The following INPP4B variants were observed in gnomAD, a reference collection of about 807,000 sequenced individuals.
INPP4B encodes inositol polyphosphate-4-phosphatase type II B.
INPP4B carries 55 observed loss-of-function variants against 122.5 expected under a neutral mutation model. The ratio of observed to expected loss-of-function variants is 0.45; its 90% CI spans 0.36 to 0.56. The LOEUF is 0.56. Among genes scored for constraint, INPP4B ranks in the 20% least tolerant of loss-of-function variants. The pLI, the probability that INPP4B is intolerant of heterozygous loss-of-function variation, is 0.00. For missense variants in INPP4B, 1,000 were observed against 1,097.7 expected, an observed-to-expected ratio of 0.91 and a Z score of 1.26; for synonymous variants, 403 against 388.7, an observed-to-expected ratio of 1.04 and a Z score of -0.43.
intron 2 of INPP4B, among the ~76,000 whole-genome samples, chr4:142,607,457 C>T (rs558993268): frequency 3.3e-5 from 5 of 152,114 alleles, no homozygotes; most frequent in African/African-American, 1.2e-4. Context: ...TTACATGTTG[C>T]TTAAGTGCTC....
intron 11 of INPP4B, among the ~76,000 whole-genome samples, chr4:142,239,103 A>G (rs935617643): frequency 6.6e-6 from 1 of 152,164 alleles, no homozygotes. Flanking sequence ...TAAGAACAAC[A>G]TATTTCATTC....
intron 7 of INPP4B, chr4:142,317,156 CAG>C (rs1768020087): frequency 6.3e-6 from 1 of 157,788 alleles, no homozygotes; most frequent in South Asian, 1.8e-4. Context: ...ATAAAACAAG[CAG>C]AGTTTTATGT....
At chr4:142,768,149 C>G (rs1772444108) in intron 1 of INPP4B, among the ~76,000 whole-genome samples, 1 of 152,140 alleles carries the variant, frequency 6.6e-6, no homozygotes, top group Admixed American at 6.5e-5. Context: ...TAGAACGAAC[C>G]TGGCATATAG....
chr4:142,669,906 C>T (rs1039311261), intron 2 of INPP4B, among the ~76,000 whole-genome samples: 1 of 152,036 alleles, frequency 6.6e-6, no homozygotes, highest in Non-Finnish European at 1.5e-5. Flanking sequence ...ATTAGTACAG[C>T]CTTTACTGGG....
At chr4:142,108,869 A>AG (rs1290533030) in intron 22 of INPP4B, among the ~76,000 whole-genome samples, 1 of 152,120 alleles carries the variant, frequency 6.6e-6, no homozygotes, top group African/African-American at 2.4e-5. Flanking sequence ...TCCCTATAAA[A>AG]GGATGCTATG....
At chr4:142,259,439 G>T (rs975203648) in intron 11 of INPP4B, among the ~76,000 whole-genome samples, 1 of 151,468 alleles carries the variant, frequency 6.6e-6, no homozygotes, top group Non-Finnish European at 1.5e-5. Flanking sequence ...AGAAGGGCGC[G>T]TGGGTAAGTG....
chr4:142,304,503 A>G (rs1762637076), intron 9 of INPP4B, among the ~76,000 whole-genome samples: 1 of 152,140 alleles, frequency 6.6e-6, no homozygotes, highest in Non-Finnish European at 1.5e-5. Context: ...AGCTGTAAGG[A>G]TTAGAAAAAA....
chr4:142,492,300 A>G (rs1821983221), intron 2 of INPP4B, among the ~76,000 whole-genome samples: 2 of 151,842 alleles, frequency 1.3e-5, no homozygotes, highest in South Asian at 4.2e-4. Context: ...CCACAGAGAG[A>G]GGGGCACTGC....
intron 18 of INPP4B, among the ~76,000 whole-genome samples, chr4:142,129,536 G>T (rs1026587541): frequency 6.6e-6 from 1 of 152,136 alleles, no homozygotes; most frequent in Non-Finnish European, 1.5e-5. Flanking sequence ...TTTGGTCATA[G>T]ACCCTAGACA....
At chr4:142,459,991 G>A (rs1433035560) in intron 3 of INPP4B, among the ~76,000 whole-genome samples, 2 of 152,180 alleles carry the variant, frequency 1.3e-5, no homozygotes, top group African/African-American at 4.8e-5. Context: ...CACTTTCTCA[G>A]TGTTTTGTAT....
chr4:142,332,200 A>G (rs1292516623), intron 7 of INPP4B, among the ~76,000 whole-genome samples: 1 of 152,192 alleles, frequency 6.6e-6, no homozygotes, highest in African/African-American at 2.4e-5. Flanking sequence ...CTGTGCTTAT[A>G]TTATACCATG....
At chr4:142,613,212 G>A (rs989954301) in intron 2 of INPP4B, among the ~76,000 whole-genome samples, 1 of 152,168 alleles carries the variant, frequency 6.6e-6, no homozygotes, top group Non-Finnish European at 1.5e-5. Flanking sequence ...ATGGAAAAGA[G>A]ATACAATTCC....
chr4:142,212,596 T>A (rs1845390713), intron 12 of INPP4B, among the ~76,000 whole-genome samples: 1 of 152,156 alleles, frequency 6.6e-6, no homozygotes, highest in Non-Finnish European at 1.5e-5. Context: ...TCTCACACCA[T>A]CTTTTTTGGT....
chr4:142,166,199 G>A (rs1411884731), intron 16 of INPP4B, among the ~76,000 whole-genome samples: 1 of 151,448 alleles, frequency 6.6e-6, no homozygotes. Flanking sequence ...CTTTTACACT[G>A]TACATTAAGG....
At chr4:142,315,487 A>C (rs1257146030) in intron 7 of INPP4B, among the ~76,000 whole-genome samples, 1 of 151,988 alleles carries the variant, frequency 6.6e-6, no homozygotes, top group East Asian at 1.9e-4. Context: ...TGTATCTTCA[A>C]CTGAGTGGTG....
At chr4:142,403,175 T>C in intron 6 of INPP4B, 121 bp from the exon 7 acceptor site, 1 of 685,256 alleles carries the variant, frequency 1.5e-6, no homozygotes, top group East Asian at 2.5e-5. Context: ...GAAATAGTTC[T>C]ATTAGAAGAG....
At position 142,028,904 on chromosome 4, in the gene INPP4B, G is replaced by A. The variant is rs374251810; in HGVS notation, c.2653C>T (p.Arg885Cys). The A allele has an allele frequency of 2.9e-5, 47 of 1,610,118 alleles. 1 individual carries two copies. Among genetic ancestry groups the A allele is most frequent in the African/African-American group, 2.0e-4 (15 of 74,898 alleles). The part of the protein sequence containing the change: ...ALDCMRREGC[R>C]IENVLKNIKC... Reference sequence around the variant, plus strand: ...ATATTCTTCAGTACATTCTCTATGCGGCATCCTTCTCTGGTGAAAGGGGAA... The same window carrying A: ...ATATTCTTCAGTACATTCTCTATGCAGCATCCTTCTCTGGTGAAAGGGGAA... Residue 885 changes from arginine (R) to cysteine (C), a missense_variant, in exon 26 of 26, where the codon CGC becomes TGC. By Grantham distance (180) the Arg-to-Cys change is radical (BLOSUM62 -3). Transcript: ENST00000262992.
intron 25 of INPP4B, among the ~76,000 whole-genome samples, chr4:142,068,489 A>G (rs187988517): frequency 6.6e-6 from 1 of 152,142 alleles, no homozygotes; most frequent in Non-Finnish European, 1.5e-5. Flanking sequence ...CAATATTAAC[A>G]TTAAATGTAA....
intron 1 of INPP4B, among the ~76,000 whole-genome samples, chr4:142,812,813 G>A (rs7668552): frequency 0.24 from 36,440 of 151,984 alleles, 4,595 homozygotes; most frequent in South Asian, 0.34. Flanking sequence ...CATTGATGTA[G>A]ATTTGACAGG....
Sources: allele counts gnomAD v4.1 joint callset (sites outside exome capture counted in the v4.1 genomes callset), GRCh38; gene constraint gnomAD v4.1.1; transcripts MANE v1.5; gene names NCBI Gene and HGNC (gene_info 2026-07-23, HGNC 2026-07-21).